The following MSRA variants were observed in gnomAD, a reference collection of about 807,000 sequenced individuals.
MSRA encodes the protein mitochondrial peptide methionine sulfoxide reductase.
Under a neutral mutation model 31.3 loss-of-function variants are expected in MSRA, and 54 were observed. The ratio of observed to expected loss-of-function variants is 1.73; its 90% confidence interval spans 1.39 to 2.17. The LOEUF (loss-of-function observed/expected upper bound fraction) is 2.17. MSRA is among the 30% of genes most tolerant of loss of function. MSRA has a pLI of 0.00. For synonymous variants in MSRA, 169 were observed against 116.5 expected, an observed-to-expected ratio of 1.45 and a Z score of -2.90; for missense variants, 507 against 300.9, an observed-to-expected ratio of 1.69 and a Z score of -5.07.
At chr8:10,061,659 T>G (rs1802739325) in intron 1 of MSRA, among the ~76,000 whole-genome samples, 1 of 151,900 alleles carries the variant, frequency 6.6e-6, no homozygotes. Context: ...AAGAATATGG[T>G]TAATGCCTGA....
chr8:10,186,245 C>A (rs915819455), intron 1 of MSRA, among the ~76,000 whole-genome samples: 1 of 152,102 alleles, frequency 6.6e-6, no homozygotes, highest in African/African-American at 2.4e-5. Context: ...TGTTCTAGGA[C>A]AGGGGCTGGC....
chr8:10,174,548 G>T (rs1805871371), intron 1 of MSRA, among the ~76,000 whole-genome samples: 1 of 151,966 alleles, frequency 6.6e-6, no homozygotes. Flanking sequence ...GTGAGCTCAG[G>T]CCCCAGCCTG....
Position 10,400,794 on chromosome 8 carries a change from C to G in MSRA, c.544-27354C>G, listed in dbSNP as rs552377336. The stretch of plus-strand genomic sequence containing the variant: ...TTTTCAACAGATGGTGCTGGGACAA[C>G]TGGATCTCCAGGTTTGTGAGTGAAT... On this transcript the variant is annotated intron_variant, in intron 5 of 5. Transcript: ENST00000317173. Among the ~76,000 whole-genome samples, 4 of 152,330 alleles carry G rather than the reference C, an allele frequency of 2.6e-5. No homozygotes were observed. In the South Asian group the frequency reaches 8.3e-4, roughly 32 times the overall value.
At chr8:10,178,347 C>A (rs747393938) in intron 1 of MSRA, among the ~76,000 whole-genome samples, 1 of 151,936 alleles carries the variant, frequency 6.6e-6, no homozygotes, top group Non-Finnish European at 1.5e-5. Flanking sequence ...CTCAGCACTT[C>A]GGGAGGCCTA....
At chr8:10,111,357 A>G (rs1800265355) in intron 1 of MSRA, among the ~76,000 whole-genome samples, 1 of 152,122 alleles carries the variant, frequency 6.6e-6, no homozygotes, top group African/African-American at 2.4e-5. Context: ...GAGATGCTAC[A>G]CCACTGCGTC....
chr8:10,300,892 C>A (rs1464547943), intron 3 of MSRA, among the ~76,000 whole-genome samples: 1 of 152,132 alleles, frequency 6.6e-6, no homozygotes. Context: ...GAGAACAGGC[C>A]TACTTACAGA....
chr8:10,184,120 G>A (rs1235378604), intron 1 of MSRA, among the ~76,000 whole-genome samples: 2 of 151,818 alleles, frequency 1.3e-5, no homozygotes, highest in Non-Finnish European at 2.9e-5. Flanking sequence ...TGGTGGTGGT[G>A]CTGTTAGTGT....
At chr8:10,146,899 C>T (rs1803191538) in intron 1 of MSRA, among the ~76,000 whole-genome samples, 1 of 151,984 alleles carries the variant, frequency 6.6e-6, no homozygotes, top group South Asian at 2.1e-4. Context: ...CAAAAGGGAG[C>T]CATTGGAAGT....
At chr8:10,312,098 C>G (rs1801464256) in intron 4 of MSRA, among the ~76,000 whole-genome samples, 1 of 152,122 alleles carries the variant, frequency 6.6e-6, no homozygotes, top group African/African-American at 2.4e-5. Context: ...AGAAGCTGAG[C>G]TAAGCGTCCA....
At chr8:10,214,699 A>G (rs1228901694) in intron 2 of MSRA, among the ~76,000 whole-genome samples, 2 of 152,230 alleles carry the variant, frequency 1.3e-5, no homozygotes. Flanking sequence ...TCAGAACTGC[A>G]GGCTGCTAAC....
At chr8:10,195,613 C>A (rs1437100343) in intron 1 of MSRA, among the ~76,000 whole-genome samples, 1 of 152,144 alleles carries the variant, frequency 6.6e-6, no homozygotes, top group African/African-American at 2.4e-5. Flanking sequence ...CAGCAAGAGA[C>A]AATAATTGAA....
chr8:10,380,260 G>T (rs1805987179), intron 5 of MSRA, among the ~76,000 whole-genome samples: 4 of 152,154 alleles, frequency 2.6e-5, no homozygotes, highest in Non-Finnish European at 5.9e-5. Flanking sequence ...TCCTACTCAT[G>T]ATTTAAGATT....
chr8:10,057,753 A>C (rs995932306), intron 1 of MSRA, among the ~76,000 whole-genome samples: 2 of 152,054 alleles, frequency 1.3e-5, no homozygotes, highest in African/African-American at 4.8e-5. Context: ...CTTTGTGTGG[A>C]GATGTGCCAG....
intron 5 of MSRA, among the ~76,000 whole-genome samples, chr8:10,397,791 A>C (rs932507940): frequency 2.0e-5 from 3 of 152,224 alleles, no homozygotes; most frequent in African/African-American, 7.2e-5. Context: ...GCTTTCTTTG[A>C]AGAACATTCT....
chr8:10,132,278 G>A (rs1484268870), intron 1 of MSRA, among the ~76,000 whole-genome samples: 1 of 152,188 alleles, frequency 6.6e-6, no homozygotes, highest in African/African-American at 2.4e-5. Context: ...AGCAATGTTA[G>A]ATTCTTGCTC....
intron 2 of MSRA, among the ~76,000 whole-genome samples, chr8:10,232,221 C>A (rs913693133): frequency 2.0e-5 from 3 of 152,140 alleles, no homozygotes; most frequent in African/African-American, 7.2e-5. Flanking sequence ...AAGGAACATG[C>A]GGTAACTGCA....
intron 2 of MSRA, among the ~76,000 whole-genome samples, chr8:10,214,968 G>A (rs553764780): frequency 1.3e-5 from 2 of 152,208 alleles, no homozygotes; most frequent in Non-Finnish European, 2.9e-5. Flanking sequence ...CATTGGCTGG[G>A]ATGGTGCAGC....
chr8:10,266,366 A>G (rs946735913), intron 3 of MSRA, among the ~76,000 whole-genome samples: 1 of 152,320 alleles, frequency 6.6e-6, no homozygotes, highest in East Asian at 1.9e-4. Flanking sequence ...TTTGTCATGA[A>G]CTTACTTGCC....
intron 3 of MSRA, among the ~76,000 whole-genome samples, chr8:10,293,793 G>A (rs956551782): frequency 6.6e-6 from 1 of 151,828 alleles, no homozygotes; most frequent in Non-Finnish European, 1.5e-5. Flanking sequence ...GCTCCTGTGA[G>A]TCTCCTGATG....
Sources: gnomAD v4.1 joint callset for allele counts (sites outside exome capture counted in the v4.1 genomes callset) on GRCh38, gnomAD v4.1.1 for gene constraint, MANE v1.5 for transcripts, NCBI Gene and HGNC (gene_info 2026-07-23, HGNC 2026-07-21) for gene names.